Variants in KSR2 observed in about 807,000 individuals in gnomAD.
The protein encoded by KSR2 is kinase suppressor of ras 2.
A neutral mutation model predicts 107.8 loss-of-function variants in KSR2; 25 were observed. The observed-to-expected ratio is 0.23, with a 90% confidence interval of 0.17 to 0.32. KSR2 has a LOEUF of 0.32. Among genes scored for constraint, KSR2 ranks in the 10% least tolerant of loss-of-function variants. The pLI is 1.00. For missense variants in KSR2, 887 were observed against 1,268.9 expected (o/e 0.70, Z 4.57); for synonymous variants, 480 against 507.0 (o/e 0.95, Z 0.71).
intron 1 of KSR2, among the ~76,000 whole-genome samples, chr12:117,922,149 A>T (rs1453128142): frequency 6.6e-6 from 1 of 152,218 alleles, no homozygotes; most frequent in African/African-American, 2.4e-5. Flanking sequence ...GCTGTTAATC[A>T]TACCCAGAAG....
intron 3 of KSR2, among the ~76,000 whole-genome samples, chr12:117,818,299 A>C (rs538478886): frequency 6.6e-6 from 1 of 152,182 alleles, no homozygotes; most frequent in African/African-American, 2.4e-5. Flanking sequence ...GGAAATGGGA[A>C]CCTTAGCAGA....
At chr12:117,490,036 A>G (rs1795054972) in intron 14 of KSR2, among the ~76,000 whole-genome samples, 2 of 152,196 alleles carry the variant, frequency 1.3e-5, no homozygotes, top group Non-Finnish European at 2.9e-5. Flanking sequence ...CCTTCTAGCA[A>G]TGCTGCAACC....
intron 1 of KSR2, among the ~76,000 whole-genome samples, chr12:117,931,241 T>C (rs1297040758): frequency 6.6e-6 from 1 of 152,168 alleles, no homozygotes; most frequent in Non-Finnish European, 1.5e-5. Flanking sequence ...GATAGCACTT[T>C]GGCCTAGCCC....
chr12:117,516,360 G>T lies in KSR2; in HGVS notation c.2219+8492C>A, dbSNP rs551019271. On this transcript the variant is annotated intron_variant, in intron 14 of 19. Transcript: ENST00000339824. ...AACTTGGCCAGGGTGCAAGCCAGGA[G>T]CACAGCTGGGACACAAATCCAAGCA... 3.3e-5 allele frequency among the ~76,000 whole-genome samples: 5 copies of T among 152,252 alleles called. No homozygotes were observed. The South Asian group carries it at 1.0e-3, about 32-fold the overall frequency.
At chr12:117,855,173 A>T (rs1232463743) in intron 3 of KSR2, among the ~76,000 whole-genome samples, 1 of 152,170 alleles carries the variant, frequency 6.6e-6, no homozygotes, top group African/African-American at 2.4e-5. Context: ...TCTGGACCCT[A>T]ATTATCCAGA....
intron 3 of KSR2, among the ~76,000 whole-genome samples, chr12:117,817,325 C>T (rs917892061): frequency 6.6e-6 from 1 of 152,138 alleles, no homozygotes; most frequent in Non-Finnish European, 1.5e-5. Flanking sequence ...CTGAGTGTGT[C>T]ATAAGAGATA....
intron 1 of KSR2, among the ~76,000 whole-genome samples, chr12:117,902,495 T>TTAAA (rs542370990): frequency 2.9e-5 from 3 of 102,516 alleles, no homozygotes; most frequent in African/African-American, 7.5e-5. Context: ...GACTCTGTCT[T>TTAAA]AAAAAAAAAA....
At chr12:117,520,115 C>T (rs747935830) in intron 14 of KSR2, among the ~76,000 whole-genome samples, 3 of 152,110 alleles carry the variant, frequency 2.0e-5, no homozygotes, top group Admixed American at 6.6e-5. Flanking sequence ...GTAGCTAAGG[C>T]GGCCATTGGC....
chr12:117,560,821 C>G (rs1815715560), intron 7 of KSR2, among the ~76,000 whole-genome samples: 1 of 152,068 alleles, frequency 6.6e-6, no homozygotes, highest in Middle Eastern at 3.2e-3. Flanking sequence ...TTTAAAGGAG[C>G]CTGGCATCTC....
chr12:117,805,752 C>T (rs979022003), intron 3 of KSR2, among the ~76,000 whole-genome samples: 1 of 152,164 alleles, frequency 6.6e-6, no homozygotes, highest in African/African-American at 2.4e-5. Flanking sequence ...GAGACCAAGG[C>T]GGGCAGATCA....
intron 8 of KSR2, among the ~76,000 whole-genome samples, chr12:117,558,011 T>G (rs920324869): frequency 2.0e-5 from 3 of 152,160 alleles, no homozygotes; most frequent in Non-Finnish European, 4.4e-5. Context: ...CTTCCCTATG[T>G]GGACAGGTTG....
chr12:117,888,603 T>G (rs1434588669), intron 1 of KSR2, among the ~76,000 whole-genome samples: 2 of 152,134 alleles, frequency 1.3e-5, no homozygotes, highest in Admixed American at 6.5e-5. Flanking sequence ...AAACCAGAAC[T>G]TTCTCTCCAC....
At chr12:117,701,154 C>T (rs899226761) in intron 4 of KSR2, among the ~76,000 whole-genome samples, 5 of 152,186 alleles carry the variant, frequency 3.3e-5, no homozygotes, top group African/African-American at 1.2e-4. Flanking sequence ...ATGGTGCGAT[C>T]TAGGCTCACT....
At chr12:117,508,881 G>A (rs780560599) in intron 14 of KSR2, among the ~76,000 whole-genome samples, 2 of 151,376 alleles carry the variant, frequency 1.3e-5, no homozygotes, top group Non-Finnish European at 3.0e-5. Flanking sequence ...TGGATAGATG[G>A]GTGGATGGAT....
At chr12:117,912,022 C>T (rs1895031497) in intron 1 of KSR2, among the ~76,000 whole-genome samples, 1 of 152,210 alleles carries the variant, frequency 6.6e-6, no homozygotes, top group African/African-American at 2.4e-5. Context: ...TAAGTGAAAA[C>T]ATTGAAAACA....
Position 117,761,186 on chromosome 12 carries a change from C to A in KSR2, c.811G>T (p.Val271Leu). ...PPRTPNIVTT[V>L]TPPGTPPMRK... Reference sequence around the variant, plus strand: ...ATGGGCGGCGTGCCCGGCGGGGTCACGGTGGTGACGATGTTGGGGGTGCGC... The same window carrying A: ...ATGGGCGGCGTGCCCGGCGGGGTCAAGGTGGTGACGATGTTGGGGGTGCGC... The change falls in exon 4 of 20, where the codon GTG becomes TTG. Residue 271 changes from valine to leucine, a missense_variant. Physicochemically the swap from Val to Leu is conservative, Grantham distance 32 (BLOSUM62 1). Around this residue, in one of 8 missense-constraint regions of KSR2, gnomAD observed 399 missense variants for 479.5 expected, o/e 0.83. Transcript: ENST00000339824. 6.3e-7 allele frequency: 1 copy of A among 1,593,236 alleles called. No individual in the cohort carries two copies. Among genetic ancestry groups the A allele is most frequent in the Non-Finnish European group, 8.6e-7 (1 of 1,168,804 alleles).
chr12:117,726,580 C>T (rs1429531914), intron 4 of KSR2, among the ~76,000 whole-genome samples: 1 of 152,182 alleles, frequency 6.6e-6, no homozygotes, highest in Non-Finnish European at 1.5e-5. Context: ...CCCTTCACTG[C>T]AAATTATGGC....
At chr12:117,704,360 T>C (rs1173550523) in intron 4 of KSR2, among the ~76,000 whole-genome samples, 1 of 152,152 alleles carries the variant, frequency 6.6e-6, no homozygotes, top group Non-Finnish European at 1.5e-5. Context: ...GAAAATCCAA[T>C]TGCTACTGAT....
At chr12:117,650,349 C>T (rs899320555) in intron 5 of KSR2, among the ~76,000 whole-genome samples, 16 of 152,132 alleles carry the variant, frequency 1.1e-4, no homozygotes, top group African/African-American at 3.6e-4. Flanking sequence ...TTGCAGACAG[C>T]CTATTGTGGG....
Sources: gnomAD v4.1 joint callset for allele counts (sites outside exome capture counted in the v4.1 genomes callset) on GRCh38, gnomAD v4.1.1 for gene constraint, gnomAD v4.1.1 regional missense constraint, MANE v1.5 for transcripts, NCBI Gene and HGNC (gene_info 2026-07-23, HGNC 2026-07-21) for gene names.